The following YTHDF3 variants were observed in gnomAD, a reference collection of about 807,000 sequenced individuals.
YTHDF3 encodes the protein YTH N6-methyladenosine RNA binding protein F3.
YTHDF3 carries 9 observed loss-of-function variants against 52.5 expected under a neutral mutation model. The observed-to-expected ratio is 0.17, with a 90% confidence interval of 0.10 to 0.30. YTHDF3 has a LOEUF of 0.30. Ranked by LOEUF, YTHDF3 falls within the 10% of genes least tolerant of loss-of-function variation. The pLI, the probability that YTHDF3 is intolerant of heterozygous loss-of-function variation, is 1.00. For synonymous variants in YTHDF3, 274 were observed against 243.3 expected (o/e 1.13, Z -1.18); for missense variants, 534 against 715.0 (o/e 0.75, Z 2.89).
chr8:63,176,831 C>T (rs1474778742), intron 3 of YTHDF3, among the ~76,000 whole-genome samples: 1 of 152,052 alleles, frequency 6.6e-6, no homozygotes, highest in Non-Finnish European at 1.5e-5. Flanking sequence ...GCACATGCCA[C>T]CACGCCTGGC....
intron 2 of YTHDF3, among the ~76,000 whole-genome samples, chr8:63,174,027 C>T (rs1807522213): frequency 6.6e-6 from 1 of 152,100 alleles, no homozygotes; most frequent in Non-Finnish European, 1.5e-5. Context: ...TATATCTTTG[C>T]TCCCAAGCCA....
At chr8:63,208,858 TTTGTTGTTGTTG>T (rs374044131) in intron 4 of YTHDF3, among the ~76,000 whole-genome samples, 75 of 151,924 alleles carry the variant, frequency 4.9e-4, no homozygotes, top group African/African-American at 1.7e-3. Context: ...ACTCATCTTT[TTTGTTGTTGTTG>T]TTGTTGTTGT....
At chr8:63,206,605 G>T (rs1219486121) in intron 4 of YTHDF3, among the ~76,000 whole-genome samples, 1 of 152,058 alleles carries the variant, frequency 6.6e-6, no homozygotes, top group Non-Finnish European at 1.5e-5. Context: ...CTTTAATTAT[G>T]ATTTAAATTT....
At chr8:63,190,426 T>TTA (rs980386303) in intron 4 of YTHDF3, among the ~76,000 whole-genome samples, 7 of 152,160 alleles carry the variant, frequency 4.6e-5, no homozygotes, top group African/African-American at 1.7e-4. Context: ...AGCTGTATTA[T>TTA]TATATATATT....
chr8:63,180,800 C>A (rs555944512), intron 3 of YTHDF3, among the ~76,000 whole-genome samples: 2 of 152,214 alleles, frequency 1.3e-5, no homozygotes. Context: ...AGCGAAACCC[C>A]GTCTACACCA....
intron 3 of YTHDF3, among the ~76,000 whole-genome samples, chr8:63,176,456 A>G (rs937232257): frequency 6.6e-6 from 1 of 151,642 alleles, no homozygotes; most frequent in African/African-American, 2.4e-5. Flanking sequence ...ATTTTTTTGT[A>G]TTTTTAGTAG....
chr8:63,201,015 A>G (rs1809604372), intron 4 of YTHDF3, among the ~76,000 whole-genome samples: 2 of 152,212 alleles, frequency 1.3e-5, no homozygotes, highest in Admixed American at 1.3e-4. Flanking sequence ...GCATTTTTGA[A>G]CATGCTAGAC....
At chr8:63,182,926 A>G (rs1808241176) in intron 3 of YTHDF3, among the ~76,000 whole-genome samples, 1 of 152,040 alleles carries the variant, frequency 6.6e-6, no homozygotes, top group Non-Finnish European at 1.5e-5. Context: ...ACTGTTTAAA[A>G]AAAGGATGAA....
intron 3 of YTHDF3, among the ~76,000 whole-genome samples, chr8:63,184,891 G>C (rs932163585): frequency 3.9e-5 from 6 of 152,112 alleles, no homozygotes; most frequent in African/African-American, 1.4e-4. Flanking sequence ...GGCTGAGGTG[G>C]GCAGATTGCT....
intron 3 of YTHDF3, among the ~76,000 whole-genome samples, chr8:63,180,847 G>T (rs974206818): frequency 3.3e-5 from 5 of 152,212 alleles, no homozygotes; most frequent in African/African-American, 1.2e-4. Flanking sequence ...GGCGGCAAGC[G>T]CCTGCAATCG....
intron 3 of YTHDF3, among the ~76,000 whole-genome samples, chr8:63,185,133 A>G (rs1280431333): frequency 6.6e-6 from 1 of 152,114 alleles, no homozygotes; most frequent in Non-Finnish European, 1.5e-5. Context: ...AAAATAAAAT[A>G]GAATAAAAGC....
chr8:63,179,869 G>A (rs1338653703), intron 3 of YTHDF3, among the ~76,000 whole-genome samples: 4 of 140,700 alleles, frequency 2.8e-5, no homozygotes, highest in Non-Finnish European at 4.6e-5. Context: ...ACCTCCCCCC[G>A]GATGGGGCGG....
chr8:63,175,217 CAGTATT>C, intron 2 of YTHDF3, 108 bp from the exon 3 acceptor site: 1 of 688,060 alleles, frequency 1.5e-6, no homozygotes, highest in East Asian at 2.8e-5. Context: ...AAAAATAACT[CAGTATT>C]ATTTTTTCTG....
intron 4 of YTHDF3, among the ~76,000 whole-genome samples, 183 bp downstream of exon 4, chr8:63,187,928 G>A (rs1236803808): frequency 6.6e-6 from 1 of 152,024 alleles, no homozygotes; most frequent in Non-Finnish European, 1.5e-5. Flanking sequence ...CCTTTCCCAG[G>A]GTAACTCACG....
chr8:63,209,211 A>G (rs987058107), intron 4 of YTHDF3, among the ~76,000 whole-genome samples: 1 of 152,152 alleles, frequency 6.6e-6, no homozygotes, highest in African/African-American at 2.4e-5. Context: ...CGTGTGCTGA[A>G]AGAGAGAGTG....
intron 2 of YTHDF3, among the ~76,000 whole-genome samples, chr8:63,174,490 T>A (rs1229702019): frequency 6.6e-6 from 1 of 152,212 alleles, no homozygotes; most frequent in Non-Finnish European, 1.5e-5. Flanking sequence ...TTAGAGAGTT[T>A]AAATCCCTAA....
intron 4 of YTHDF3, among the ~76,000 whole-genome samples, chr8:63,193,016 T>C (rs1197409234): frequency 6.6e-6 from 1 of 152,114 alleles, no homozygotes; most frequent in Non-Finnish European, 1.5e-5. Context: ...GCAGCACTAA[T>C]TGCAAAAGAC....
At chr8:63,194,342 G>C (rs965075111) in intron 4 of YTHDF3, among the ~76,000 whole-genome samples, 1 of 152,024 alleles carries the variant, frequency 6.6e-6, no homozygotes. Context: ...AAAATTAGCC[G>C]GGCATGGTGG....
chr8:63,168,975 C>T (rs566352511), intron 1 of YTHDF3, 74 bp downstream of exon 1: 4 of 1,521,794 alleles, frequency 2.6e-6, no homozygotes, highest in African/African-American at 1.4e-5. Flanking sequence ...GGCTTCGGCT[C>T]CTCCCCGTCG....
Sources: allele counts gnomAD v4.1 joint callset (sites outside exome capture counted in the v4.1 genomes callset), GRCh38; gene constraint gnomAD v4.1.1; transcripts MANE v1.5; gene names NCBI Gene and HGNC (gene_info 2026-07-23, HGNC 2026-07-21).